Variants in BTRC observed in about 807,000 individuals in gnomAD.
BTRC encodes beta-transducin repeat containing E3 ubiquitin protein ligase.
A neutral mutation model predicts 85.5 loss-of-function variants in BTRC; 42 were observed. That is an observed-to-expected ratio of 0.49 (90% CI 0.38 to 0.64). The LOEUF (loss-of-function observed/expected upper bound fraction) is 0.64, where lower values mean the gene tolerates loss of function less well. Among genes scored for constraint, BTRC ranks in the 30% least tolerant of loss-of-function variants. The pLI, the probability that BTRC is intolerant of heterozygous loss-of-function variation, is 0.00. For missense variants in BTRC, 594 were observed against 743.5 expected, an observed-to-expected ratio of 0.80 and a Z score of 2.34; for synonymous variants, 255 against 263.3, an observed-to-expected ratio of 0.97 and a Z score of 0.30.
At chr10:101,379,241 A>G (rs569237871) in intron 1 of BTRC, among the ~76,000 whole-genome samples, 3 of 152,306 alleles carry the variant, frequency 2.0e-5, no homozygotes, top group African/African-American at 7.2e-5. Context: ...ATTATATGGT[A>G]GTCTTCTGAA....
At chr10:101,532,237 A>G in intron 7 of BTRC, 58 bp from the exon 8 acceptor site, 1 of 1,542,412 alleles carries the variant, frequency 6.5e-7, no homozygotes, top group Non-Finnish European at 8.8e-7. Flanking sequence ...TAAAGCCTAA[A>G]AAGAGTTTGA....
chr10:101,368,196 A>G (rs1942525678), intron 1 of BTRC, among the ~76,000 whole-genome samples: 2 of 152,110 alleles, frequency 1.3e-5, no homozygotes, highest in Non-Finnish European at 2.9e-5. Flanking sequence ...TTGGTAGTTT[A>G]AGAGTCTGGC....
chr10:101,470,479 T>C (rs573182843), intron 3 of BTRC, among the ~76,000 whole-genome samples: 2 of 152,160 alleles, frequency 1.3e-5, no homozygotes, highest in South Asian at 4.2e-4. Context: ...ATTACAGGCA[T>C]GCGCCACCAC....
At chr10:101,495,007 G>A (rs1946224863) in intron 4 of BTRC, among the ~76,000 whole-genome samples, 1 of 152,136 alleles carries the variant, frequency 6.6e-6, no homozygotes, top group Non-Finnish European at 1.5e-5. Context: ...TGTCATCCAG[G>A]GGGTTATTTA....
chr10:101,521,738 G>A lies in BTRC; in HGVS notation c.424G>A (p.Glu142Lys). Reference sequence around the variant, plus strand: ...AAAGGAACTGTGTGTCAAATACTTTGAGCAGTGGTCAGAGTCAGATCAAGT... The same window carrying A: ...AAAGGAACTGTGTGTCAAATACTTTAAGCAGTGGTCAGAGTCAGATCAAGT... The part of the protein sequence containing the change: ...KEKELCVKYF[E>K]QWSESDQVEF... The change falls in exon 5 of 15, where the codon GAG (glutamate) becomes AAG (lysine). Residue 142 changes from glutamate (E) to lysine (K), a missense_variant. By Grantham distance (56) the Glu-to-Lys change is moderately conservative. Coordinates refer to ENST00000370187, the MANE Select transcript of BTRC (RefSeq NM_033637.4). The A allele has an allele frequency of 6.2e-7, 1 of 1,614,104 alleles. No homozygotes were observed. Among genetic ancestry groups the A allele is most frequent in the Non-Finnish European group, 8.5e-7 (1 of 1,179,998 alleles).
At position 101,425,914 on chromosome 10, in the gene BTRC, T is replaced by C. The variant is rs191275263; in HGVS notation, c.49-4431T>C. Among the ~76,000 whole-genome samples the C allele has an allele frequency of 1.1e-4, 16 of 152,306 alleles. No homozygotes were observed. In the East Asian group the frequency reaches 1.9e-3, roughly 18 times the overall value. ...CAACAAAAACAGTCCAAACTTTAAG[T>C]AGAAAACTATGTGCTTTTCAGGTAT... is the stretch of plus-strand genomic sequence containing the variant. On this transcript the variant is annotated intron_variant, in intron 1 of 14. Transcript: ENST00000370187.
intron 2 of BTRC, among the ~76,000 whole-genome samples, chr10:101,431,065 CCTTT>C (rs1174108792): frequency 2.8e-5 from 4 of 141,464 alleles, no homozygotes; most frequent in African/African-American, 7.8e-5. Flanking sequence ...TTCCCCTCAG[CCTTT>C]CTTTTTTTTT....
chr10:101,429,973 G>A (rs888666640), intron 1 of BTRC, among the ~76,000 whole-genome samples: 1 of 151,952 alleles, frequency 6.6e-6, no homozygotes, highest in East Asian at 1.9e-4. Flanking sequence ...AGTCTGCACA[G>A]TATTACACCC....
intron 13 of BTRC, among the ~76,000 whole-genome samples, chr10:101,539,510 C>T (rs3095798): frequency 0.63 from 95,796 of 152,086 alleles, 31,344 homozygotes; most frequent in East Asian, 0.85. Flanking sequence ...CTACATGTTG[C>T]TGATGTATAT....
chr10:101,511,705 A>G (rs2061957192), intron 4 of BTRC, among the ~76,000 whole-genome samples: 2 of 152,304 alleles, frequency 1.3e-5, no homozygotes, highest in South Asian at 4.1e-4. Context: ...TATTTTTAAT[A>G]GAGACAGGAT....
chr10:101,365,060 T>C (rs1338070700), intron 1 of BTRC: 3 of 152,036 alleles, frequency 2.0e-5, no homozygotes, highest in Non-Finnish European at 2.9e-5. Context: ...TTTTTTTCTT[T>C]TTAAAATTTT....
Position 101,521,862 on chromosome 10 carries a change from C to G in BTRC, c.548C>G (p.Ala183Gly), listed in dbSNP as rs201982510. 1.4e-5 allele frequency: 22 copies of G among 1,606,700 alleles called. No homozygotes were observed. Among genetic ancestry groups the G allele is most frequent in the Non-Finnish European group, 8.5e-7 (1 of 1,173,458 alleles). ...KPMLQRDFITALPARGLDHIA... is the reference protein window; with the variant it reads ...KPMLQRDFITGLPARGLDHIA... ...ATGTTGCAGAGAGATTTCATAACTG[C>G]TCTGCCAGGTATGTCTACAAGTGTT... The change falls in exon 5 of 15, where the codon GCT becomes GGT. Residue 183 changes from alanine to glycine, a missense_variant. This residue lies in a region of BTRC where 373 missense variants were observed against 503.6 expected (regional missense o/e 0.74). Transcript: ENST00000370187.
intron 2 of BTRC, among the ~76,000 whole-genome samples, chr10:101,457,039 G>A (rs185373778): frequency 4.6e-5 from 7 of 152,148 alleles, no homozygotes; most frequent in African/African-American, 1.4e-4. Context: ...TTTTCCTATG[G>A]ACACATACCT....
chr10:101,367,006 TTATATATATATTTA>T (rs1942466558), intron 1 of BTRC, among the ~76,000 whole-genome samples: 1 of 40,124 alleles, frequency 2.5e-5, no homozygotes, highest in African/African-American at 6.4e-5. Context: ...ATATATATAT[TTATATATATATTTA>T]TATTTATATA....
intron 1 of BTRC, among the ~76,000 whole-genome samples, chr10:101,409,236 C>G (rs1450052087): frequency 6.6e-6 from 1 of 152,142 alleles, no homozygotes; most frequent in African/African-American, 2.4e-5. Flanking sequence ...TTTCTATTCC[C>G]TTCCTTCAGC....
chr10:101,389,996 G>A (rs965289287), intron 1 of BTRC, among the ~76,000 whole-genome samples: 2 of 151,996 alleles, frequency 1.3e-5, no homozygotes, highest in Non-Finnish European at 2.9e-5. Flanking sequence ...TGAGTCCTTC[G>A]TTTATCCTTT....
At chr10:101,360,266 G>A (rs1160631614) in intron 1 of BTRC, among the ~76,000 whole-genome samples, 1 of 151,962 alleles carries the variant, frequency 6.6e-6, no homozygotes, top group African/African-American at 2.4e-5. Flanking sequence ...TGTTGCCCGG[G>A]CTGGTCTCGA....
chr10:101,368,927 G>A (rs368353352), intron 1 of BTRC, among the ~76,000 whole-genome samples: 2 of 152,116 alleles, frequency 1.3e-5, no homozygotes, highest in East Asian at 1.9e-4. Flanking sequence ...GCTGACGCAC[G>A]AGAATCGCTT....
intron 5 of BTRC, among the ~76,000 whole-genome samples, chr10:101,523,063 G>A (rs754370481): frequency 6.6e-6 from 1 of 152,104 alleles, no homozygotes; most frequent in African/African-American, 2.4e-5. Context: ...AATTAGCTGG[G>A]TGTAGTAGCA....
Sources: gnomAD v4.1 joint callset for allele counts (sites outside exome capture counted in the v4.1 genomes callset) on GRCh38, gnomAD v4.1.1 for gene constraint, gnomAD v4.1.1 regional missense constraint, MANE v1.5 for transcripts, NCBI Gene and HGNC (gene_info 2026-07-23, HGNC 2026-07-21) for gene names.